Variants in SCFD2 observed in about 807,000 individuals in gnomAD.
SCFD2 encodes the protein sec1 family domain containing 2, also known as sec1 family domain-containing protein 2.
SCFD2 carries 54 observed loss-of-function variants against 58.9 expected under a neutral mutation model. That is an observed-to-expected ratio of 0.92 (90% confidence interval 0.74 to 1.15). The LOEUF is 1.15. SCFD2 is among the 50% of genes most tolerant of loss of function. The probability of loss-of-function intolerance (pLI) is 0.00; values close to 1 mark genes in which losing one functional copy is unlikely to be tolerated. For missense variants in SCFD2, 805 were observed against 836.6 expected (o/e 0.96, Z 0.47); for synonymous variants, 321 against 335.9 (o/e 0.96, Z 0.49).
At chr4:53,233,947 T>C (rs56022789) in intron 4 of SCFD2, among the ~76,000 whole-genome samples, 1,883 of 152,116 alleles carry the variant, frequency 0.012, 13 homozygotes, top group Non-Finnish European at 0.021. Flanking sequence ...AAAAACAAAC[T>C]AATGGGAAAC....
chr4:53,089,336 C>T (rs75720238), intron 5 of SCFD2, among the ~76,000 whole-genome samples: 2,564 of 152,132 alleles, frequency 0.017, 76 homozygotes, highest in African/African-American at 0.059. Context: ...CTTTTAATTG[C>T]CTTTTCGCTT....
intron 3 of SCFD2, among the ~76,000 whole-genome samples, chr4:53,294,636 TA>T (rs1178527915): frequency 6.6e-6 from 1 of 152,222 alleles, no homozygotes. Context: ...AGAAGCTCTT[TA>T]GTCTAATTGG....
chr4:53,340,899 C>T (rs1733849307), intron 2 of SCFD2, among the ~76,000 whole-genome samples: 1 of 152,192 alleles, frequency 6.6e-6, no homozygotes, highest in Non-Finnish European at 1.5e-5. Flanking sequence ...AGCTGAGGGT[C>T]CTGACTGTTA....
At chr4:53,209,915 G>T (rs937229621) in intron 4 of SCFD2, among the ~76,000 whole-genome samples, 4 of 151,956 alleles carry the variant, frequency 2.6e-5, no homozygotes, top group African/African-American at 9.7e-5. Flanking sequence ...TGAATAAATA[G>T]ATATTTTACA....
chr4:52,889,446 T>A (rs1165593393), intron 7 of SCFD2, among the ~76,000 whole-genome samples: 1 of 152,156 alleles, frequency 6.6e-6, no homozygotes, highest in Admixed American at 6.5e-5. Flanking sequence ...CATCACACAC[T>A]CAGATTATCT....
chr4:52,940,345 A>C (rs1004583342), intron 5 of SCFD2, among the ~76,000 whole-genome samples: 1 of 152,290 alleles, frequency 6.6e-6, no homozygotes, highest in Middle Eastern at 3.4e-3. Flanking sequence ...TTTCACAGGG[A>C]GATCCCTCCC....
At chr4:53,213,817 C>T (rs1728707114) in intron 4 of SCFD2, among the ~76,000 whole-genome samples, 1 of 152,076 alleles carries the variant, frequency 6.6e-6, no homozygotes, top group East Asian at 1.9e-4. Context: ...CCCACCACCC[C>T]ACGACAGGCC....
intron 4 of SCFD2, among the ~76,000 whole-genome samples, chr4:53,207,418 GA>G (rs1424844817): frequency 1.5e-4 from 21 of 142,936 alleles, no homozygotes; most frequent in Non-Finnish European, 3.1e-4. Context: ...TTAGTGTCTG[GA>G]AAAGGTCAAA....
At chr4:53,234,097 C>T (rs1291515525) in intron 4 of SCFD2, among the ~76,000 whole-genome samples, 5 of 152,142 alleles carry the variant, frequency 3.3e-5, no homozygotes, top group Non-Finnish European at 7.3e-5. Flanking sequence ...CTACTTTGTC[C>T]TGTATCTTTG....
chr4:52,917,710 T>C lies in SCFD2; in HGVS notation c.1707+3015A>G, dbSNP rs370324577. ...GCCTGTGGTAATGTTCTGGGATTTA[T>C]TTCTGGAGGTCTAGTCCAGATCCCA... On this transcript the variant is annotated intron_variant, in intron 6 of 8. Coordinates refer to ENST00000401642, the MANE Select transcript of SCFD2 (RefSeq NM_152540.4). Among the ~76,000 whole-genome samples, 5 of 152,276 alleles carry C rather than the reference T, an allele frequency of 3.3e-5. No individual in the cohort carries two copies. In the East Asian group the frequency reaches 9.6e-4, roughly 29 times the overall value.
intron 5 of SCFD2, among the ~76,000 whole-genome samples, chr4:53,033,500 A>G (rs1188286884): frequency 2.0e-5 from 3 of 152,186 alleles, no homozygotes; most frequent in African/African-American, 4.8e-5. Flanking sequence ...GAGACACGAA[A>G]AATCCTTCAA....
rs377216125 is a variant in SCFD2, at chr4:52,978,115, GAGA to G, written c.1562-57248_1562-57246del. Among the ~76,000 whole-genome samples, 199 of 152,306 alleles carry G rather than the reference GAGA, an allele frequency of 1.3e-3. 1 individual carries two copies. Among genetic ancestry groups the G allele is most frequent in the African/African-American group, 4.5e-3 (188 of 41,564 alleles). ...AGAAAGTGCTTGTTAATTACTTGTG[GAGA>G]AGGTGAAGCATGGAATGAAAGGAGA... On this transcript the variant is annotated intron_variant, in intron 5 of 8. Transcript: ENST00000401642.
intron 4 of SCFD2, among the ~76,000 whole-genome samples, chr4:53,210,526 C>G (rs1313095898): frequency 6.6e-6 from 1 of 152,056 alleles, no homozygotes; most frequent in Non-Finnish European, 1.5e-5. Context: ...GAGAATCCAG[C>G]TGTCTTCTAT....
chr4:53,273,809 T>C lies in SCFD2; in HGVS notation c.1311+17A>G, dbSNP rs1320931052. 7.6e-7 allele frequency: 1 copy of C among 1,316,618 alleles called. No individual in the cohort carries two copies. Among genetic ancestry groups the C allele is most frequent in the Non-Finnish European group, 9.9e-7 (1 of 1,009,178 alleles). The allele number at this position is 1,316,618 out of a possible 1,614,324, so 81.6% of individuals were successfully genotyped here. On this transcript the variant is annotated intron_variant, in intron 4 of 8. Transcript: ENST00000401642. ...CATTAATTATTAAGATCCCACGAGG[T>C]TCCCATAGCAACATACCTGAAGAAG...
chr4:53,218,594 A>G (rs1728937246), intron 4 of SCFD2, among the ~76,000 whole-genome samples: 1 of 152,100 alleles, frequency 6.6e-6, no homozygotes. Context: ...TGCACTTCCT[A>G]CTTTAGCTCA....
chr4:53,069,538 C>T (rs17702812), intron 5 of SCFD2, among the ~76,000 whole-genome samples: 24,404 of 151,912 alleles, frequency 0.16, 2,454 homozygotes, highest in Middle Eastern at 0.26. Context: ...ATTTTACTTT[C>T]GAGGTGGCTC....
At chr4:53,043,619 G>A (rs1722953087) in intron 5 of SCFD2, among the ~76,000 whole-genome samples, 1 of 152,068 alleles carries the variant, frequency 6.6e-6, no homozygotes, top group Non-Finnish European at 1.5e-5. Context: ...ATCCTATCTT[G>A]TTGAATAAAA....
chr4:53,203,762 A>G (rs1158367601), intron 4 of SCFD2, among the ~76,000 whole-genome samples: 1 of 152,112 alleles, frequency 6.6e-6, no homozygotes, highest in African/African-American at 2.4e-5. Flanking sequence ...TGTTTATTCT[A>G]AAATTGGGAG....
intron 3 of SCFD2, among the ~76,000 whole-genome samples, chr4:53,297,460 T>G (rs1380059084): frequency 6.6e-6 from 1 of 150,958 alleles, no homozygotes; most frequent in African/African-American, 2.4e-5. Flanking sequence ...ATTGCAACCC[T>G]TGGTTTTTTT....
Sources: gnomAD v4.1 joint callset for allele counts (sites outside exome capture counted in the v4.1 genomes callset) on GRCh38, gnomAD v4.1.1 for gene constraint, MANE v1.5 for transcripts, NCBI Gene and HGNC (gene_info 2026-07-23, HGNC 2026-07-21) for gene names.